Variants in CYFIP2 observed in about 807,000 individuals in gnomAD.
CYFIP2 encodes cytoplasmic FMR1-interacting protein 2.
CYFIP2 carries 29 observed loss-of-function variants against 158.7 expected under a neutral mutation model. That is an observed-to-expected ratio of 0.18 (90% CI 0.14 to 0.25). The LOEUF (loss-of-function observed/expected upper bound fraction) is 0.25. CYFIP2 is among the 10% of genes least tolerant of loss of function. The probability of loss-of-function intolerance (pLI) is 1.00; values close to 1 mark genes in which losing one functional copy is unlikely to be tolerated. For missense variants in CYFIP2, 852 were observed against 1,639.5 expected, an observed-to-expected ratio of 0.52 and a Z score of 8.29; for synonymous variants, 585 against 617.6, an observed-to-expected ratio of 0.95 and a Z score of 0.78.
intron 18 of CYFIP2, among the ~76,000 whole-genome samples, chr5:157,326,521 T>A (rs1454450062): frequency 6.6e-6 from 1 of 152,240 alleles, no homozygotes; most frequent in Non-Finnish European, 1.5e-5. Context: ...TTCATGTGCA[T>A]GTGTATAAAT....
At chr5:157,328,659 G>C (rs1052064728) in intron 19 of CYFIP2, among the ~76,000 whole-genome samples, 1 of 152,226 alleles carries the variant, frequency 6.6e-6, no homozygotes, top group African/African-American at 2.4e-5. Context: ...CTTTGTAGCT[G>C]TTTCTCCCGG....
chr5:157,329,993 C>T (rs1046788669), intron 19 of CYFIP2, among the ~76,000 whole-genome samples: 24 of 152,208 alleles, frequency 1.6e-4, no homozygotes, highest in Admixed American at 1.3e-3. Context: ...ATACTTTATC[C>T]ACACTGGCCA....
rs901632116 is a variant in CYFIP2, at chr5:157,343,399, G to A, written c.2673+2242G>A. 3.1e-6 allele frequency: 5 copies of A among 1,614,080 alleles called. No homozygotes were observed. In the African/African-American group the frequency reaches 6.7e-5, roughly 22 times the overall value. ...GCACCTTCTCCTCGTGGTGGAAGCT[G>A]TAGCGAAGATAGCCAGAGAAGATGC... On this transcript the variant is annotated intron_variant, in intron 23 of 30. Coordinates refer to ENST00000620254, the MANE Select transcript of CYFIP2 (RefSeq NM_001037333.3).
chr5:157,377,151 T>C (rs1036238635), intron 26 of CYFIP2, among the ~76,000 whole-genome samples: 1 of 151,616 alleles, frequency 6.6e-6, no homozygotes, highest in Admixed American at 6.6e-5. Flanking sequence ...CCCCAATCCT[T>C]TCTCCCTTGC....
At chr5:157,286,574 ATATATT>A (rs1374007386) in intron 2 of CYFIP2, among the ~76,000 whole-genome samples, 4 of 144,394 alleles carry the variant, frequency 2.8e-5, no homozygotes, top group African/African-American at 1.0e-4. Context: ...ATATATATAT[ATATATT>A]TAGCCTTTCA....
At chr5:157,269,890 A>G (rs1755939427) in intron 1 of CYFIP2, among the ~76,000 whole-genome samples, 1 of 152,182 alleles carries the variant, frequency 6.6e-6, no homozygotes, top group South Asian at 2.1e-4. Flanking sequence ...AAGAGCTTAG[A>G]TATTGGCTTT....
chr5:157,343,073 GCCT>G (rs758299441), intron 23 of CYFIP2: 178 of 1,614,152 alleles, frequency 1.1e-4, no homozygotes, highest in Non-Finnish European at 1.4e-4. Flanking sequence ...CAACCCATTG[GCCT>G]CCTCCATGTG....
At chr5:157,303,688 G>T (rs1334498854) in intron 7 of CYFIP2, among the ~76,000 whole-genome samples, 1 of 152,096 alleles carries the variant, frequency 6.6e-6, no homozygotes, top group Non-Finnish European at 1.5e-5. Context: ...TACCAGCAGT[G>T]CCCTCCTCTG....
In CYFIP2 at chr5:157,314,228, C is replaced by A. The variant is rs573253841; in HGVS notation, c.1111-116C>A. On this transcript the variant is annotated intron_variant, in intron 11 of 30. Transcript: ENST00000620254. The stretch of plus-strand genomic sequence containing the variant: ...GGCACTTGTCTGAGCCTCAGTTTAT[C>A]TGTCAAGGGGATGTAATAATAGCAC... The A allele has an allele frequency of 4.6e-6, 6 of 1,309,704 alleles. No homozygotes were observed. The South Asian group carries it at 1.1e-4, about 24-fold the overall frequency. 81.1% of individuals were successfully genotyped at this position (1,309,704 alleles called of 1,614,324 possible). A position where few individuals can be genotyped will look rare whatever the true frequency, so the allele number is the denominator to read the frequency against.
At chr5:157,302,386 A>G (rs1363949090) in intron 6 of CYFIP2, among the ~76,000 whole-genome samples, 1 of 152,200 alleles carries the variant, frequency 6.6e-6, no homozygotes, top group Non-Finnish European at 1.5e-5. Context: ...AGAATACACA[A>G]CAGGTGCATT....
chr5:157,319,891 C>A lies in CYFIP2; in HGVS notation c.1486C>A (p.Arg496=). 3.1e-6 allele frequency: 5 copies of A among 1,614,016 alleles called. No individual in the cohort carries two copies. The highest frequency in any genetic ancestry group is 4.2e-6 in the Non-Finnish European group (5 of 1,179,884). Residue 496 remains arginine (R), a synonymous_variant, in exon 14 of 31, where the codon CGG becomes AGG. Coordinates refer to ENST00000620254, the MANE Select transcript of CYFIP2 (RefSeq NM_001037333.3). The part of the protein sequence containing the change: ...FAQVTLREPL[R]QAVRKKKNVL... ...CCAGGTGACGCTGCGTGAGCCCCTG[C>A]GGCAGGCGGTACGGAAGAAGAAGAA...
At chr5:157,330,974 C>T (rs190166014) in intron 20 of CYFIP2, 124 bp downstream of exon 20, 51 of 712,526 alleles carry the variant, frequency 7.2e-5, no homozygotes, top group Non-Finnish European at 3.8e-5. Context: ...TGTGGATTTC[C>T]GAGCCTGGGT....
intron 1 of CYFIP2, among the ~76,000 whole-genome samples, chr5:157,278,114 G>T (rs1394270812): frequency 6.6e-6 from 1 of 151,446 alleles, no homozygotes; most frequent in Non-Finnish European, 1.5e-5. Context: ...TTTTTAATAG[G>T]AACAACCTAA....
chr5:157,347,375 T>C (rs975338092), intron 23 of CYFIP2, among the ~76,000 whole-genome samples: 2 of 151,654 alleles, frequency 1.3e-5, no homozygotes, highest in African/African-American at 4.9e-5. Flanking sequence ...TCCGGGAGGC[T>C]TGGAGTCTTG....
At position 157,269,097 on chromosome 5, in the gene CYFIP2, C is replaced by T. The variant is rs1298523684; in HGVS notation, c.-24+2902C>T. 2.0e-5 allele frequency among the ~76,000 whole-genome samples: 3 copies of T among 152,110 alleles called. No individual in the cohort carries two copies. In the East Asian group the frequency reaches 5.8e-4, roughly 29 times the overall value. ...ACCCTTGGCTATTACCAGCCCCTCT[C>T]CCTCCAGAGCTTTCCTGAATTTTGC... On this transcript the variant is annotated intron_variant, in intron 1 of 30. Coordinates refer to ENST00000620254, the MANE Select transcript of CYFIP2 (RefSeq NM_001037333.3).
chr5:157,295,223 G>A (rs1235511114), intron 4 of CYFIP2, among the ~76,000 whole-genome samples: 1 of 152,076 alleles, frequency 6.6e-6, no homozygotes, highest in African/African-American at 2.4e-5. Flanking sequence ...TACACTTTGT[G>A]ACATATTTGT....
intron 8 of CYFIP2, among the ~76,000 whole-genome samples, chr5:157,305,353 G>C (rs1006530385): frequency 1.3e-5 from 2 of 152,134 alleles, no homozygotes; most frequent in Non-Finnish European, 2.9e-5. Flanking sequence ...AAATCTTCAA[G>C]CTTTTGCTAC....
chr5:157,387,267 A>G (rs1486941485), intron 28 of CYFIP2, among the ~76,000 whole-genome samples: 1 of 152,068 alleles, frequency 6.6e-6, no homozygotes, highest in Non-Finnish European at 1.5e-5. Context: ...CCTAACCACT[A>G]GGCCACCAGG....
chr5:157,355,475 G>C (rs776299742), intron 23 of CYFIP2, among the ~76,000 whole-genome samples: 1 of 152,190 alleles, frequency 6.6e-6, no homozygotes, highest in Admixed American at 6.5e-5. Context: ...TATTGGATTT[G>C]GTATTATCAT....
Sources: allele counts gnomAD v4.1 joint callset (sites outside exome capture counted in the v4.1 genomes callset), GRCh38; gene constraint gnomAD v4.1.1; transcripts MANE v1.5; gene names NCBI Gene and HGNC (gene_info 2026-07-23, HGNC 2026-07-21).